Variants in RBM19 observed in about 807,000 individuals in gnomAD.
RBM19 encodes RNA binding motif protein 19, also known as probable RNA-binding protein 19.
A neutral mutation model predicts 116.8 loss-of-function variants in RBM19; 94 were observed. That is an observed-to-expected ratio of 0.80 (90% confidence interval 0.68 to 0.95). The LOEUF (loss-of-function observed/expected upper bound fraction) is 0.95, where lower values mean the gene tolerates loss of function less well. Among genes scored for constraint, RBM19 ranks in the 40% least tolerant of loss-of-function variants. The pLI, the probability that RBM19 is intolerant of heterozygous loss-of-function variation, is 0.00. For missense variants in RBM19, 1,161 were observed against 1,220.7 expected (o/e 0.95, Z 0.73); for synonymous variants, 475 against 494.1 (o/e 0.96, Z 0.51).
rs751509132 is a variant in RBM19 at position 113,920,569 on chromosome 12, C to T, written c.2385+42G>A. On this transcript the variant is annotated intron_variant, in intron 19 of 23. Transcript: ENST00000261741. ...GGCTGACGGGACCTCCCACTACCTG[C>T]CAAGTGCCTCCGTGGCCCTCAGCTG... 30 of 1,562,288 alleles carry T rather than the reference C, an allele frequency of 1.9e-5. No individual in the cohort carries two copies. In the African/African-American group the frequency reaches 3.5e-4, roughly 18 times the overall value.
Position 113,926,367 on chromosome 12 carries a change from C to T in RBM19, c.2244+687G>A, listed in dbSNP as rs1869070975. 2.6e-5 allele frequency among the ~76,000 whole-genome samples: 4 copies of T among 152,116 alleles called. No homozygotes were observed. In the South Asian group the frequency reaches 8.3e-4, roughly 31 times the overall value. ...CCTGCTGTTATTCATTAAAACAGAA[C>T]AAAAAACTGAAAAACCCACTGAGTG... On this transcript the variant is annotated intron_variant, in intron 17 of 23. Coordinates refer to ENST00000261741, the MANE Select transcript of RBM19 (RefSeq NM_016196.4).
At chr12:113,868,648 C>G (rs984380193) in intron 21 of RBM19, among the ~76,000 whole-genome samples, 3 of 152,220 alleles carry the variant, frequency 2.0e-5, no homozygotes, top group Admixed American at 1.3e-4. Flanking sequence ...CTATTAGCAT[C>G]TCTCAGGACA....
At chr12:113,881,237 A>G (rs1179790241) in intron 21 of RBM19, among the ~76,000 whole-genome samples, 3 of 152,164 alleles carry the variant, frequency 2.0e-5, no homozygotes, top group Non-Finnish European at 4.4e-5. Context: ...TACAGTTGCC[A>G]TGATACGGCC....
At chr12:113,865,124 T>G (rs1284538968) in intron 21 of RBM19, among the ~76,000 whole-genome samples, 3 of 152,238 alleles carry the variant, frequency 2.0e-5, no homozygotes, top group African/African-American at 7.2e-5. Flanking sequence ...GACATACTTT[T>G]CTTGCTCTCC....
chr12:113,824,255 G>A (rs756772563), intron 23 of RBM19, among the ~76,000 whole-genome samples: 24 of 152,166 alleles, frequency 1.6e-4, no homozygotes, highest in Non-Finnish European at 2.2e-4. Flanking sequence ...GCTAAGAAGC[G>A]GTGGAGCCAG....
chr12:113,870,908 C>CATCCAGACACATCTACATGGT (rs1347597939), intron 21 of RBM19, among the ~76,000 whole-genome samples: 1 of 152,198 alleles, frequency 6.6e-6, no homozygotes, highest in Admixed American at 6.5e-5. Flanking sequence ...CACACCTCAA[C>CATCCAGACACATCTACATGGT]ATCCAGACAC....
At chr12:113,919,399 G>A (rs182524529) in intron 19 of RBM19, among the ~76,000 whole-genome samples, 80 of 152,238 alleles carry the variant, frequency 5.3e-4, no homozygotes, top group Non-Finnish European at 9.4e-4. Context: ...GTGAAACCCC[G>A]TCTCTACTAA....
intron 13 of RBM19, among the ~76,000 whole-genome samples, chr12:113,942,646 G>C (rs897127342): frequency 1.1e-4 from 15 of 136,830 alleles, no homozygotes; most frequent in African/African-American, 4.2e-4. Flanking sequence ...TGTCATATCT[G>C]TCCCCCAGGC....
At chr12:113,872,177 G>A (rs12425023) in intron 21 of RBM19, among the ~76,000 whole-genome samples, 27,892 of 143,660 alleles carry the variant, frequency 0.19, 3,404 homozygotes, top group Middle Eastern at 0.36. Context: ...CTGCCCTGCC[G>A]CCCCATCTGG....
rs182784024 is a variant in RBM19 at position 113,950,095 on chromosome 12, G to A, written c.1060C>T (p.Arg354Trp). The A allele has an allele frequency of 1.2e-4, 188 of 1,607,352 alleles. 1 individual carries two copies. In the East Asian group the frequency reaches 2.2e-3, roughly 19 times the overall value. Reference sequence around the variant, plus strand: ...AGGGCTTCCTTACCCATGTACTCCCGGTTGCATTTCAGAGCTTGCTTCACT... The same window carrying A: ...AGGGCTTCCTTACCCATGTACTCCCAGTTGCATTTCAGAGCTTGCTTCACT... ...EEVKQALKCN[R>W]EYMGGRYIEV... is the part of the protein sequence containing the mutation. The change falls in exon 9 of 24, where the codon CGG becomes TGG. Residue 354 changes from arginine (R) to tryptophan (W), a missense_variant. Arg to Trp is a moderately radical substitution (Grantham distance 101, BLOSUM62 -3). Coordinates refer to ENST00000261741, the MANE Select transcript of RBM19 (RefSeq NM_016196.4).
At chr12:113,952,483 T>A in intron 8 of RBM19, 29 bp downstream of exon 8, 1 of 1,591,168 alleles carries the variant, frequency 6.3e-7, no homozygotes, top group African/African-American at 1.3e-5. Flanking sequence ...TCTACCCGCC[T>A]TCCCACCTGG....
At chr12:113,962,443 G>T (rs563900514) in intron 1 of RBM19, 29 bp from the exon 2 acceptor site, 1 of 1,593,178 alleles carries the variant, frequency 6.3e-7, no homozygotes, top group Non-Finnish European at 8.6e-7. Flanking sequence ...AATGAGAGAC[G>T]AACTGGAAAG....
chr12:113,931,228 C>G (rs1566023848), intron 16 of RBM19, among the ~76,000 whole-genome samples: 2 of 152,082 alleles, frequency 1.3e-5, no homozygotes, highest in South Asian at 2.1e-4. Context: ...CAGGTGTATA[C>G]AGACCACTGG....
At chr12:113,904,635 A>C (rs560525664) in intron 21 of RBM19, among the ~76,000 whole-genome samples, 1 of 152,308 alleles carries the variant, frequency 6.6e-6, no homozygotes, top group African/African-American at 2.4e-5. Context: ...GCTGGTGCTG[A>C]GGCTGACATG....
At chr12:113,897,199 C>T (rs182561691) in intron 21 of RBM19, among the ~76,000 whole-genome samples, 141 of 152,300 alleles carry the variant, frequency 9.3e-4, no homozygotes, top group Non-Finnish European at 1.2e-3. Flanking sequence ...GATAGAGTCT[C>T]GCTCTGTCGC....
At position 113,823,134 on chromosome 12, in the gene RBM19, C is replaced by T. The variant is rs188965126; in HGVS notation, c.*90G>A. ...GGGCCGCCTGCCGCTCCCCGCCCCGCCCCCCAGCCCACATGGTGGTGAGTG... is the reference window on the plus strand; with the variant it reads ...GGGCCGCCTGCCGCTCCCCGCCCCGTCCCCCAGCCCACATGGTGGTGAGTG... On this transcript the variant is annotated 3_prime_UTR_variant, in exon 24 of 24. Coordinates refer to ENST00000261741, the MANE Select transcript of RBM19 (RefSeq NM_016196.4). 4.1e-3 allele frequency: 5,241 copies of T among 1,265,706 alleles called. 30 individuals are homozygous for T. Among genetic ancestry groups the T allele is most frequent in the Admixed American group, 5.3e-3 (258 of 48,432 alleles). 78.4% of individuals were successfully genotyped at this position (1,265,706 alleles called of 1,614,324 possible). A position where few individuals can be genotyped will look rare whatever the true frequency, so the allele number is the denominator to read the frequency against.
intron 9 of RBM19, among the ~76,000 whole-genome samples, chr12:113,949,493 C>A (rs1871305361): frequency 6.6e-6 from 1 of 152,194 alleles, no homozygotes; most frequent in Non-Finnish European, 1.5e-5. Context: ...AAATACCCAC[C>A]TCCTGACTTG....
In RBM19 at chr12:113,942,360, G is replaced by C. The variant is rs924398245; in HGVS notation, c.1701C>G (p.Leu567=). 6.2e-7 allele frequency: 1 copy of C among 1,608,750 alleles called. No individual in the cohort carries two copies. Among genetic ancestry groups the C allele is most frequent in the East Asian group, 2.2e-5 (1 of 44,850 alleles). The change falls in exon 14 of 24, where the codon CTC becomes CTG. Residue 567 remains leucine, a synonymous_variant. Coordinates refer to ENST00000261741, the MANE Select transcript of RBM19 (RefSeq NM_016196.4). ...TQLVQEVRRF[L]IDNGVSLDSF... is the part of the protein sequence containing the mutation. The stretch of plus-strand genomic sequence containing the variant: ...AATCCAGGCTGACCCCGTTGTCTAT[G>C]AGAAAACGCCGCACTTCCTGGACGA...
chr12:113,836,944 T>A (rs1216471743), intron 23 of RBM19, among the ~76,000 whole-genome samples: 1 of 87,564 alleles, frequency 1.1e-5, no homozygotes, highest in Non-Finnish European at 2.0e-5. Flanking sequence ...CACACACGTG[T>A]CCCAAGCAAT....
Sources: gnomAD v4.1 joint callset for allele counts (sites outside exome capture counted in the v4.1 genomes callset) on GRCh38, gnomAD v4.1.1 for gene constraint, MANE v1.5 for transcripts, NCBI Gene and HGNC (gene_info 2026-07-23, HGNC 2026-07-21) for gene names.